TMC2: variants seen among roughly 807,000 people sequenced by gnomAD.
The protein encoded by TMC2 is transmembrane channel-like protein 2.
A neutral mutation model predicts 105.9 loss-of-function variants in TMC2; 102 were observed. The ratio of observed to expected loss-of-function variants is 0.96; its 90% confidence interval spans 0.82 to 1.14. The LOEUF (loss-of-function observed/expected upper bound fraction) is 1.14. Ranked by LOEUF, TMC2 falls within the 50% of genes most tolerant of loss-of-function variation. The pLI, the probability that TMC2 is intolerant of heterozygous loss-of-function variation, is 0.00. For synonymous variants in TMC2, 402 were observed against 422.8 expected (o/e 0.95, Z 0.60); for missense variants, 1,093 against 1,134.3 (o/e 0.96, Z 0.52).
intron 4 of TMC2, among the ~76,000 whole-genome samples, chr20:2,567,338 C>T (rs913866188): frequency 2.0e-5 from 3 of 152,142 alleles, no homozygotes; most frequent in African/African-American, 7.2e-5. Context: ...GGCAACATTA[C>T]CTACAACTAC....
chr20:2,605,727 G>A (rs1416015019), intron 11 of TMC2, among the ~76,000 whole-genome samples: 5 of 152,140 alleles, frequency 3.3e-5, no homozygotes, highest in Admixed American at 6.5e-5. Flanking sequence ...AGGAGGAGGG[G>A]AAAATCTCCC....
chr20:2,559,008 T>C (rs2086005819), intron 3 of TMC2, among the ~76,000 whole-genome samples: 1 of 152,082 alleles, frequency 6.6e-6, no homozygotes, highest in East Asian at 1.9e-4. Flanking sequence ...CCGCGGGCTC[T>C]CCACTCCAGC....
chr20:2,609,768 T>C (rs2086421196), intron 11 of TMC2, among the ~76,000 whole-genome samples: 1 of 152,174 alleles, frequency 6.6e-6, no homozygotes, highest in Non-Finnish European at 1.5e-5. Flanking sequence ...GAGAGTGGGA[T>C]AGTCAAGACC....
intron 17 of TMC2, among the ~76,000 whole-genome samples, chr20:2,635,632 C>A (rs1422066313): frequency 1.3e-5 from 2 of 152,292 alleles, no homozygotes; most frequent in East Asian, 3.9e-4. Flanking sequence ...GTCAGTAAAC[C>A]CTGCCACCCT....
intron 7 of TMC2, among the ~76,000 whole-genome samples, chr20:2,582,630 C>T (rs1218958257): frequency 1.3e-5 from 2 of 152,084 alleles, no homozygotes; most frequent in Non-Finnish European, 2.9e-5. Context: ...CACGCACCAC[C>T]AGACCCGGCT....
chr20:2,604,989 G>C lies in TMC2; in HGVS notation c.1413+2688G>C, dbSNP rs143772854. On this transcript the variant is annotated intron_variant, in intron 11 of 19. Coordinates refer to ENST00000358864, the MANE Select transcript of TMC2 (RefSeq NM_080751.3). ...TGACCAAACCCAAGAAGGGGATTGT[G>C]AGAATCTCTGCTTTATAGCCAAATC... Among the ~76,000 whole-genome samples the C allele has an allele frequency of 7.9e-4, 121 of 152,330 alleles. 2 individuals carry two copies. Among genetic ancestry groups the C allele is most frequent in the African/African-American group, 2.7e-3 (111 of 41,568 alleles).
rs34201766 is a variant in TMC2 at position 2,628,167 on chromosome 20, C to CAA, written c.2306+3786_2306+3787dup. 6.2e-4 allele frequency among the ~76,000 whole-genome samples: 71 copies of CAA among 114,674 alleles called. 1 individual carries two copies. The highest frequency in any genetic ancestry group is 8.4e-4 in the Non-Finnish European group (46 of 54,734). 75.2% of individuals were successfully genotyped at this position (114,674 alleles called of 152,430 possible). ...TGGGCAAAAGAGCGAGACTCTGTCTCAAAAAAAAAAAAAAAATCCAGAAAG... is the reference window on the plus strand; with the variant it reads ...TGGGCAAAAGAGCGAGACTCTGTCTCAAAAAAAAAAAAAAAAAATCCAGAAAG... On this transcript the variant is annotated intron_variant, in intron 17 of 19. Coordinates refer to ENST00000358864, the MANE Select transcript of TMC2 (RefSeq NM_080751.3).
At chr20:2,615,255 A>T (rs945533798) in intron 14 of TMC2, among the ~76,000 whole-genome samples, 1 of 152,244 alleles carries the variant, frequency 6.6e-6, no homozygotes, top group Non-Finnish European at 1.5e-5. Flanking sequence ...CAGGAGGCAG[A>T]GGTTGCAGTG....
At chr20:2,627,786 C>T (rs1358613562) in intron 17 of TMC2, among the ~76,000 whole-genome samples, 2 of 152,174 alleles carry the variant, frequency 1.3e-5, no homozygotes, top group African/African-American at 4.8e-5. Context: ...AAAAAGAAGT[C>T]TTTTCTTTCT....
chr20:2,637,438 C>T, intron 18 of TMC2, 36 bp from the exon 19 acceptor site: 1 of 1,436,188 alleles, frequency 7.0e-7, no homozygotes, highest in Non-Finnish European at 9.8e-7. Flanking sequence ...AGACCCATTT[C>T]CTGGGCCAGG....
intron 2 of TMC2, among the ~76,000 whole-genome samples, chr20:2,549,297 T>A (rs2085942792): frequency 6.6e-6 from 1 of 152,088 alleles, no homozygotes; most frequent in Non-Finnish European, 1.5e-5. Context: ...TTCAAATTAT[T>A]CTCCCTCCTC....
rs746311563 is a variant in TMC2 at position 2,641,179 on chromosome 20, AG to A, written c.2551del (p.Ala851ArgfsTer59). On this transcript the variant is annotated frameshift_variant, in exon 20 of 20. Coordinates refer to ENST00000358864, the MANE Select transcript of TMC2 (RefSeq NM_080751.3). LOFTEE classifies it low-confidence loss of function (END_TRUNC). Reference protein sequence around the residue: ...SASQSQAMDKKAQGPGTSNSA... With the variant: ...SASQSQAMDKXAQGPGTSNSA... ...AGCCAAAGCCAGGCCATGGACAAGA[AG>A]GCGCAGGGCCCTGGGACCTCCAATT... The A allele has an allele frequency of 4.3e-6, 7 of 1,613,830 alleles. No individual in the cohort carries two copies. In the African/African-American group the frequency reaches 9.3e-5, roughly 22 times the overall value.
At chr20:2,578,051 T>A (rs572421688) in intron 5 of TMC2, among the ~76,000 whole-genome samples, 1 of 152,168 alleles carries the variant, frequency 6.6e-6, no homozygotes, top group South Asian at 2.1e-4. Context: ...CCAGGCACAG[T>A]GGCTCAAGTT....
intron 17 of TMC2, among the ~76,000 whole-genome samples, chr20:2,629,443 G>A (rs561613793): frequency 6.1e-5 from 9 of 148,156 alleles, no homozygotes; most frequent in Admixed American, 1.4e-4. Context: ...AACAACCAGG[G>A]AATGTAAGTC....
In TMC2 at chr20:2,612,310, G is replaced by A. The variant is rs1428454741; in HGVS notation, c.1713G>A (p.Arg571=). ...RPPLHPADVP[R]GSCWETAVGI... ...CCCTGCACCCTGCAGATGTGCCCCG[G>A]GGTTCTTGCTGGGAGACAGCTGTGG... The change falls in exon 13 of 20, where the codon CGG becomes CGA. Residue 571 remains arginine (R), a synonymous_variant. Coordinates refer to ENST00000358864, the MANE Select transcript of TMC2 (RefSeq NM_080751.3). The A allele has an allele frequency of 1.9e-6, 3 of 1,588,312 alleles. No homozygotes were observed. Among genetic ancestry groups the A allele is most frequent in the African/African-American group, 1.3e-5 (1 of 74,622 alleles).
At chr20:2,576,893 C>T (rs73570281) in intron 5 of TMC2, among the ~76,000 whole-genome samples, 19,985 of 142,516 alleles carry the variant, frequency 0.14, 1,925 homozygotes, top group African/African-American at 0.27. Context: ...TTTGGGGTTT[C>T]TTCTTGGTTT....
intron 2 of TMC2, among the ~76,000 whole-genome samples, chr20:2,552,325 A>G (rs1016862029): frequency 1.6e-4 from 25 of 152,202 alleles, no homozygotes; most frequent in African/African-American, 5.8e-4. Flanking sequence ...TGGGATTTTG[A>G]TTGAAATCGC....
chr20:2,622,695 G>GAAAGA (rs906581522), intron 16 of TMC2, among the ~76,000 whole-genome samples: 24 of 149,982 alleles, frequency 1.6e-4, no homozygotes, highest in African/African-American at 5.9e-4. Context: ...AAAAAAGAAA[G>GAAAGA]AAAGAAAAGA....
rs558123241 is a variant in TMC2, at chr20:2,595,381, C to A, written c.1076+414C>A. On this transcript the variant is annotated intron_variant, in intron 9 of 19. Coordinates refer to ENST00000358864, the MANE Select transcript of TMC2 (RefSeq NM_080751.3). ...GGCCTGTTTTTGCTTTTGTCCAGAG[C>A]TCAGCTTCCTCCAAAAAACTCTTCT... is the stretch of plus-strand genomic sequence containing the variant. 1.4e-4 allele frequency among the ~76,000 whole-genome samples: 21 copies of A among 152,304 alleles called. No individual in the cohort carries two copies. The South Asian group carries it at 4.1e-3, about 30-fold the overall frequency.
Sources: gnomAD v4.1 joint callset for allele counts (sites outside exome capture counted in the v4.1 genomes callset) on GRCh38, gnomAD v4.1.1 for gene constraint, MANE v1.5 for transcripts, NCBI Gene and HGNC (gene_info 2026-07-23, HGNC 2026-07-21) for gene names.